ARHGEF10: variants seen among roughly 807,000 people sequenced by gnomAD.
ARHGEF10 encodes Rho guanine nucleotide exchange factor (GEF) 10.
In ARHGEF10, 140 loss-of-function variants were observed where a neutral mutation model predicts 147.4. The observed-to-expected ratio is 0.95, with a 90% CI of 0.83 to 1.09. The LOEUF is 1.09. Ranked by LOEUF, ARHGEF10 falls within the 50% of genes least tolerant of loss-of-function variation. The pLI is 0.00. For synonymous variants in ARHGEF10, 902 were observed against 695.8 expected, an observed-to-expected ratio of 1.30 and a Z score of -4.67; for missense variants, 2,222 against 1,752.7, an observed-to-expected ratio of 1.27 and a Z score of -4.78.
chr8:1,824,996 A>C (rs969130460), intron 1 of ARHGEF10, among the ~76,000 whole-genome samples: 2 of 5,972 alleles, frequency 3.3e-4, no homozygotes, highest in Non-Finnish European at 3.0e-4. Flanking sequence ...TGTCCTCCCC[A>C]CACCCCACCT....
intron 1 of ARHGEF10, among the ~76,000 whole-genome samples, chr8:1,831,522 A>G (rs80155597): frequency 1.5e-5 from 1 of 65,678 alleles, no homozygotes; most frequent in Non-Finnish European, 3.2e-5. Context: ...ACAGTGTGAC[A>G]TCCGTGGAGG....
chr8:1,958,014 C>T lies in ARHGEF10; in HGVS notation c.*751C>T, dbSNP rs968343446. Reference sequence around the variant, plus strand: ...ATCAACATTTGGACTCAAGCATCAACACCAAATTATTCCTCCCTTCTCGTA... The same window carrying T: ...ATCAACATTTGGACTCAAGCATCAATACCAAATTATTCCTCCCTTCTCGTA... On this transcript the variant is annotated 3_prime_UTR_variant, in exon 29 of 29. Coordinates refer to ENST00000349830, the MANE Select transcript of ARHGEF10 (RefSeq NM_014629.4). 2 of 152,246 alleles carry T rather than the reference C, an allele frequency of 1.3e-5. No homozygotes were observed. Among genetic ancestry groups the T allele is most frequent in the Non-Finnish European group, 2.9e-5 (2 of 68,054 alleles). The allele number at this position is 152,246 out of a possible 1,614,324, so 9.4% of individuals were successfully genotyped here. A position where few individuals can be genotyped will look rare whatever the true frequency, so the allele number is the denominator to read the frequency against.
intron 26 of ARHGEF10, among the ~76,000 whole-genome samples, chr8:1,940,912 A>G (rs918684196): frequency 6.6e-5 from 10 of 152,244 alleles, no homozygotes; most frequent in African/African-American, 2.2e-4. Flanking sequence ...AGTACTTGAC[A>G]TGATTTATCA....
chr8:1,835,878 T>A (rs1053195697), intron 1 of ARHGEF10, among the ~76,000 whole-genome samples: 1 of 152,178 alleles, frequency 6.6e-6, no homozygotes, highest in Non-Finnish European at 1.5e-5. Context: ...TGCATCATCT[T>A]TTTGTTTAAA....
chr8:1,877,114 T>A (rs1051500187), intron 8 of ARHGEF10, among the ~76,000 whole-genome samples: 18 of 152,248 alleles, frequency 1.2e-4, no homozygotes, highest in African/African-American at 4.1e-4. Context: ...ACATCTGCAC[T>A]TTGCTTTAAG....
chr8:1,903,200 G>T (rs1472447313), intron 15 of ARHGEF10, 81 bp from the exon 16 acceptor site: 1 of 1,547,902 alleles, frequency 6.5e-7, no homozygotes, highest in African/African-American at 1.4e-5. Flanking sequence ...CCTTTCCATT[G>T]TCAGCTGGCG....
chr8:1,826,409 T>C (rs12682573), intron 1 of ARHGEF10, among the ~76,000 whole-genome samples: 5 of 45,510 alleles, frequency 1.1e-4, no homozygotes, highest in African/African-American at 2.0e-4. Flanking sequence ...TTTGTGTGTG[T>C]GCTGTGTGTG....
intron 13 of ARHGEF10, among the ~76,000 whole-genome samples, chr8:1,895,770 A>T (rs549563572): frequency 1.3e-5 from 2 of 152,340 alleles, no homozygotes; most frequent in African/African-American, 4.8e-5. Flanking sequence ...ACATGGAGTG[A>T]TTTTTCTCTC....
chr8:1,887,998 T>G (rs1011598005), intron 11 of ARHGEF10, among the ~76,000 whole-genome samples: 11 of 143,486 alleles, frequency 7.7e-5, no homozygotes, highest in Admixed American at 2.8e-4. Flanking sequence ...GAAGAGACAG[T>G]GAGTGGGGTG....
intron 2 of ARHGEF10, 85 bp from the exon 3 acceptor site, chr8:1,857,875 G>GACCTATCTATCT (rs1805679065): frequency 1.1e-6 from 1 of 891,112 alleles, no homozygotes; most frequent in African/African-American, 2.0e-5. Flanking sequence ...AACATAGATC[G>GACCTATCTATCT]ATCGATCTAT....
At chr8:1,878,605 G>T (rs1316038554) in intron 8 of ARHGEF10, among the ~76,000 whole-genome samples, 4 of 152,078 alleles carry the variant, frequency 2.6e-5, no homozygotes. Flanking sequence ...CACAGATGGA[G>T]GCTCGGTGTG....
chr8:1,892,275 C>CTGTGTG (rs1491241969), intron 11 of ARHGEF10, among the ~76,000 whole-genome samples: 6 of 93,380 alleles, frequency 6.4e-5, no homozygotes, highest in African/African-American at 2.1e-4. Context: ...CAGCTTCTGG[C>CTGTGTG]TCTGTGTGTG....
chr8:1,889,479 GAGTGGGGTGAGGGGTCTGTGAGGAGA>G (rs1809207333), intron 11 of ARHGEF10, among the ~76,000 whole-genome samples: 1 of 63,602 alleles, frequency 1.6e-5, no homozygotes, highest in African/African-American at 8.8e-5. Context: ...AGGAGACACT[GAGTGGGGTGAGGGGTCTGTGAGGAGA>G]CACTGAGTGG....
intron 25 of ARHGEF10, among the ~76,000 whole-genome samples, chr8:1,931,961 C>A (rs1813184236): frequency 6.6e-6 from 1 of 152,134 alleles, no homozygotes; most frequent in Non-Finnish European, 1.5e-5. Flanking sequence ...CTGAAGTAGG[C>A]CATCGTGTCA....
In ARHGEF10 at chr8:1,929,390, G is replaced by T. The variant is rs760161802; in HGVS notation, c.3026G>T (p.Ser1009Ile). The change falls in exon 25 of 29, where the codon AGC (serine) becomes ATC (isoleucine). Residue 1009 changes from serine to isoleucine, a missense_variant. By Grantham distance (142) the Ser-to-Ile change is moderately radical (BLOSUM62 -2). Transcript: ENST00000349830. ...TVMSLACTSQ[S>I]LYAGLVNGAV... ...ATGAGCCTGGCTTGCACGTCTCAGA[G>T]CCTGTACGCTGGCCTGGTCAACGGG... The T allele has an allele frequency of 1.9e-6, 3 of 1,613,408 alleles. No homozygotes were observed. In the South Asian group the frequency reaches 3.3e-5, roughly 18 times the overall value.
chr8:1,863,029 C>A (rs893171564), intron 4 of ARHGEF10, among the ~76,000 whole-genome samples: 2 of 152,004 alleles, frequency 1.3e-5, no homozygotes, highest in Non-Finnish European at 2.9e-5. Flanking sequence ...GTGATCCGCC[C>A]GCCTCAGCCT....
chr8:1,828,198 T>G (rs17829485), intron 1 of ARHGEF10, among the ~76,000 whole-genome samples: 1 of 152,228 alleles, frequency 6.6e-6, no homozygotes, highest in African/African-American at 2.4e-5. Flanking sequence ...GTTGCTTCCG[T>G]GCTGAGATCA....
intron 11 of ARHGEF10, among the ~76,000 whole-genome samples, chr8:1,893,113 G>C (rs961087764): frequency 4.0e-5 from 4 of 98,876 alleles, no homozygotes; most frequent in Non-Finnish European, 5.8e-5. Context: ...AAAAAAAAAA[G>C]ATTCCTCCAC....
chr8:1,885,054 C>G (rs921490209), intron 10 of ARHGEF10, among the ~76,000 whole-genome samples: 6 of 152,180 alleles, frequency 3.9e-5, no homozygotes, highest in African/African-American at 1.4e-4. Context: ...AGTGAGCCAC[C>G]CCACCCAACT....
Sources: allele counts gnomAD v4.1 joint callset (sites outside exome capture counted in the v4.1 genomes callset), GRCh38; gene constraint gnomAD v4.1.1; transcripts MANE v1.5; gene names NCBI Gene and HGNC (gene_info 2026-07-23, HGNC 2026-07-21).